The following ANTXR2 variants were observed in gnomAD, a reference collection of about 807,000 sequenced individuals.
ANTXR2 encodes the protein ANTXR cell adhesion molecule 2.
ANTXR2 carries 44 observed loss-of-function variants against 73.7 expected under a neutral mutation model. The observed-to-expected ratio is 0.60, with a 90% CI of 0.47 to 0.77. The LOEUF (loss-of-function observed/expected upper bound fraction) is 0.77. Ranked by LOEUF, ANTXR2 falls within the 30% of genes least tolerant of loss-of-function variation. ANTXR2 has a pLI of 0.00. For missense variants in ANTXR2, 604 were observed against 592.5 expected, an observed-to-expected ratio of 1.02 and a Z score of -0.20; for synonymous variants, 217 against 205.9, an observed-to-expected ratio of 1.05 and a Z score of -0.46.
Position 79,984,879 on chromosome 4 carries a change from A to G in ANTXR2, c.1042-16T>C. On this transcript the variant is annotated splice_polypyrimidine_tract_variant and intron_variant, in intron 12 of 16. Coordinates refer to ENST00000403729, the MANE Select transcript of ANTXR2 (RefSeq NM_058172.6). ...CCTTAATAACCTGTCAAAAAAAATC[A>G]AATATAAAAATTTCTATGGCATAGA... 1 of 1,577,946 alleles carries G rather than the reference A, an allele frequency of 6.3e-7. No individual in the cohort carries two copies. Among genetic ancestry groups the G allele is most frequent in the South Asian group, 1.2e-5 (1 of 85,964 alleles).
intron 16 of ANTXR2, among the ~76,000 whole-genome samples, chr4:79,911,446 C>G (rs4690125): frequency 0.81 from 123,163 of 151,792 alleles, 50,172 homozygotes; most frequent in East Asian, 1. Context: ...TTAAATGTAA[C>G]CTAAATATAT....
intron 7 of ANTXR2, among the ~76,000 whole-genome samples, chr4:80,046,930 T>C (rs1733539905): frequency 6.6e-6 from 1 of 151,632 alleles, no homozygotes; most frequent in Non-Finnish European, 1.5e-5. Context: ...GTACACCAAA[T>C]GGTACATTTG....
chr4:79,917,809 AT>A (rs1162206632), intron 16 of ANTXR2, among the ~76,000 whole-genome samples: 1 of 152,094 alleles, frequency 6.6e-6, no homozygotes, highest in African/African-American at 2.4e-5. Context: ...AAAATTACAA[AT>A]TATGGTACAC....
At chr4:80,064,197 T>C (rs534330619) in intron 3 of ANTXR2, among the ~76,000 whole-genome samples, 1 of 152,290 alleles carries the variant, frequency 6.6e-6, no homozygotes, top group East Asian at 1.9e-4. Flanking sequence ...CCCCAAGTAA[T>C]TGATTATTGT....
At chr4:80,006,975 T>C (rs1259089191) in intron 12 of ANTXR2, among the ~76,000 whole-genome samples, 1 of 152,114 alleles carries the variant, frequency 6.6e-6, no homozygotes, top group African/African-American at 2.4e-5. Context: ...CACCCTAAAA[T>C]AGCCATAACT....
chr4:80,067,595 T>G (rs2110122588), intron 3 of ANTXR2, among the ~76,000 whole-genome samples: 1 of 152,264 alleles, frequency 6.6e-6, no homozygotes, highest in Non-Finnish European at 1.5e-5. Flanking sequence ...ATGGAGAAAA[T>G]TTATTTTCAT....
chr4:80,061,383 T>C (rs1734246569), intron 3 of ANTXR2, among the ~76,000 whole-genome samples: 1 of 151,992 alleles, frequency 6.6e-6, no homozygotes, highest in African/African-American at 2.4e-5. Context: ...ACTCATGTTG[T>C]CAAATGCCAA....
At chr4:79,953,772 A>G (rs930756925) in intron 16 of ANTXR2, among the ~76,000 whole-genome samples, 1 of 152,096 alleles carries the variant, frequency 6.6e-6, no homozygotes, top group African/African-American at 2.4e-5. Flanking sequence ...GTAGGTGCTT[A>G]AAAATCAATC....
chr4:80,072,772 A>C lies in ANTXR2; in HGVS notation c.-212T>G. The C allele has an allele frequency of 8.0e-7, 1 of 1,243,860 alleles. No individual in the cohort carries two copies. The highest frequency in any genetic ancestry group is 1.0e-6 in the Non-Finnish European group (1 of 982,412). 77.1% of individuals were successfully genotyped at this position (1,243,860 alleles called of 1,614,324 possible). A position where few individuals can be genotyped will look rare whatever the true frequency, so the allele number is the denominator to read the frequency against. ...CAAAGGGAGTCTCCGCCACCGCCGC[A>C]GCTGCCGCCGGAACTCTTGACGAAT... On this transcript the variant is annotated 5_prime_UTR_variant, in exon 1 of 17. Transcript: ENST00000403729.
chr4:79,993,760 G>GCGCGCGCGCGCGCACACA lies in ANTXR2; in HGVS notation c.1042-8898_1042-8897insTGTGTGCGCGCGCGCGCG, dbSNP rs71662888. On this transcript the variant is annotated intron_variant, in intron 12 of 16. Coordinates refer to ENST00000403729, the MANE Select transcript of ANTXR2 (RefSeq NM_058172.6). ...GGCAATACACCACACACACACACAC[G>GCGCGCGCGCGCGCACACA]CACACACACACACACACACACACAT... Among the ~76,000 whole-genome samples the GCGCGCGCGCGCGCACACA allele has an allele frequency of 4.6e-4, 65 of 140,770 alleles. No homozygotes were observed. The East Asian group carries it at 0.011, about 23-fold the overall frequency. 92.4% of individuals were successfully genotyped at this position (140,770 alleles called of 152,430 possible). A position where few individuals can be genotyped will look rare whatever the true frequency, so the allele number is the denominator to read the frequency against.
intron 16 of ANTXR2, among the ~76,000 whole-genome samples, chr4:79,967,275 C>T: frequency 1.8e-5 from 1 of 55,080 alleles, no homozygotes; most frequent in Non-Finnish European, 3.8e-5. Context: ...CCTATGCCCA[C>T]GGAATCTCGC....
chr4:79,933,007 G>A (rs1728120201), intron 16 of ANTXR2, among the ~76,000 whole-genome samples: 1 of 151,902 alleles, frequency 6.6e-6, no homozygotes, highest in African/African-American at 2.4e-5. Context: ...TCCATCATAA[G>A]CCTATTTATT....
chr4:80,005,388 A>AT (rs977408503), intron 12 of ANTXR2, among the ~76,000 whole-genome samples: 3 of 152,202 alleles, frequency 2.0e-5, no homozygotes, highest in African/African-American at 7.2e-5. Flanking sequence ...TTCATTTTCT[A>AT]TTAAAAAGTT....
intron 2 of ANTXR2, among the ~76,000 whole-genome samples, chr4:80,070,673 G>C (rs1473629727): frequency 2.0e-5 from 3 of 152,156 alleles, no homozygotes; most frequent in South Asian, 4.1e-4. Flanking sequence ...CTGAAAGCAA[G>C]GATTGCCTAG....
intron 10 of ANTXR2, 59 bp downstream of exon 10, chr4:80,031,564 C>T (rs1732695593): frequency 8.0e-7 from 1 of 1,246,386 alleles, no homozygotes; most frequent in Admixed American, 3.3e-5. Context: ...TATATGTCAC[C>T]ATTTTCTAAT....
chr4:80,002,425 A>G (rs1035288221), intron 12 of ANTXR2, among the ~76,000 whole-genome samples: 5 of 152,200 alleles, frequency 3.3e-5, no homozygotes, highest in African/African-American at 1.2e-4. Flanking sequence ...TGAAATAAAG[A>G]CTTAAACGTT....
intron 16 of ANTXR2, among the ~76,000 whole-genome samples, chr4:79,920,436 G>A (rs1230849538): frequency 3.3e-5 from 5 of 152,070 alleles, no homozygotes; most frequent in Non-Finnish European, 5.9e-5. Flanking sequence ...AAAGTACATA[G>A]CACCACCTAT....
At chr4:80,070,939 C>A (rs1174384743) in intron 2 of ANTXR2, among the ~76,000 whole-genome samples, 1 of 151,952 alleles carries the variant, frequency 6.6e-6, no homozygotes, top group Non-Finnish European at 1.5e-5. Flanking sequence ...ATAGGAGATG[C>A]CACTAATTCC....
Position 80,072,845 on chromosome 4 carries a change from T to A in ANTXR2, c.-285A>T. 3.3e-6 allele frequency: 2 copies of A among 602,338 alleles called. No homozygotes were observed. The highest frequency in any genetic ancestry group is 4.7e-6 in the Non-Finnish European group (2 of 423,928). The allele number at this position is 602,338 out of a possible 1,614,324, so 37.3% of individuals were successfully genotyped here. On this transcript the variant is annotated 5_prime_UTR_variant, in exon 1 of 17. Transcript: ENST00000403729. Reference sequence around the variant, plus strand: ...CCTCCCCCTCCCGATTCCGGAGAGTTCCTGCAGACAATGCGGGCCCACGGC... The same window carrying A: ...CCTCCCCCTCCCGATTCCGGAGAGTACCTGCAGACAATGCGGGCCCACGGC...
Sources: allele counts gnomAD v4.1 joint callset (sites outside exome capture counted in the v4.1 genomes callset), GRCh38; gene constraint gnomAD v4.1.1; transcripts MANE v1.5; gene names NCBI Gene and HGNC (gene_info 2026-07-23, HGNC 2026-07-21).